The following DMAP1 variants were observed in gnomAD, a reference collection of about 807,000 sequenced individuals.
DMAP1 encodes DNA methyltransferase 1 associated protein 1, also known as DNA methyltransferase 1-associated protein 1.
Under a neutral mutation model 52.7 loss-of-function variants are expected in DMAP1, and 26 were observed. The ratio of observed to expected loss-of-function variants is 0.49; its 90% CI spans 0.36 to 0.68. DMAP1 has a LOEUF of 0.68. Among genes scored for constraint, DMAP1 ranks in the 30% least tolerant of loss-of-function variants. The pLI is 0.00. For synonymous variants in DMAP1, 231 were observed against 246.0 expected, an observed-to-expected ratio of 0.94 and a Z score of 0.57; for missense variants, 439 against 625.2, an observed-to-expected ratio of 0.70 and a Z score of 3.18.
chr1:44,219,549 G>A, intron 7 of DMAP1, 72 bp downstream of exon 7: 5 of 1,435,798 alleles, frequency 3.5e-6, no homozygotes, highest in South Asian at 2.8e-5. Flanking sequence ...CCCAAACGCT[G>A]CAGGCAGGTG....
At position 44,214,812 on chromosome 1, in the gene DMAP1, C is replaced by A; in HGVS notation, c.307C>A (p.Pro103Thr). Reference sequence around the variant, plus strand: ...TTGGAAGTGGATGCCATTCACCAACCCGGCCCGCAAGGACGGAGCAATGTT... The same window carrying A: ...TTGGAAGTGGATGCCATTCACCAACACGGCCCGCAAGGACGGAGCAATGTT... ...RPWKWMPFTN[P>T]ARKDGAMFFH... The change falls in exon 3 of 10, where the codon CCG (proline) becomes ACG (threonine). Residue 103 changes from proline (P) to threonine (T), a missense_variant. Around this residue, in one of 3 missense-constraint regions of DMAP1, gnomAD observed 118 missense variants for 189.8 expected, o/e 0.62. Transcript: ENST00000372289. 6.2e-7 allele frequency: 1 copy of A among 1,614,214 alleles called. No individual in the cohort carries two copies. The highest frequency in any genetic ancestry group is 1.7e-5 in the Admixed American group (1 of 60,030).
At chr1:44,216,462 T>C (rs945224171) in intron 3 of DMAP1, 1 of 152,196 alleles carries the variant, frequency 6.6e-6, no homozygotes, top group Non-Finnish European at 1.5e-5. Flanking sequence ...ACTCTTAGGC[T>C]CAAGTGATCT....
intron 3 of DMAP1, chr1:44,215,309 C>T (rs532564849): frequency 6.3e-5 from 29 of 457,670 alleles, no homozygotes; most frequent in Admixed American, 5.4e-4. Flanking sequence ...CCCACAGGTA[C>T]CTTACATCAG....
chr1:44,220,430 G>A (rs534360277), intron 9 of DMAP1, 121 bp downstream of exon 9: 2 of 1,568,252 alleles, frequency 1.3e-6, no homozygotes, highest in African/African-American at 2.7e-5. Context: ...TTCTGTGCGA[G>A]TCTGAGACTG....
chr1:44,217,015 C>T (rs1051293858), intron 3 of DMAP1: 2 of 152,154 alleles, frequency 1.3e-5, no homozygotes, highest in African/African-American at 4.8e-5. Flanking sequence ...TTCTAGAACA[C>T]TAGGACAGTG....
rs1223179007 is a variant in DMAP1, at chr1:44,214,044, G to A, written c.105+186G>A. 5.3e-5 allele frequency among the ~76,000 whole-genome samples: 8 copies of A among 152,354 alleles called. No homozygotes were observed. In the East Asian group the frequency reaches 1.5e-3, roughly 29 times the overall value. On this transcript the variant is annotated intron_variant, in intron 1 of 9. Coordinates refer to ENST00000372289, the MANE Select transcript of DMAP1 (RefSeq NM_019100.5). ...GAGGAGATGGGACATCGTGGGAGATGGTGGGACCAAGAGGGTATGACACCT... is the reference window on the plus strand; with the variant it reads ...GAGGAGATGGGACATCGTGGGAGATAGTGGGACCAAGAGGGTATGACACCT...
Position 44,214,720 on chromosome 1 carries a change from T to C in DMAP1, c.215T>C (p.Leu72Pro). The change falls in exon 3 of 10, where the codon CTA becomes CCA. Residue 72 changes from leucine to proline, a missense_variant. Transcript: ENST00000372289. ...YSDKKDAPPL[L>P]PSDTGQGYRT... is the part of the protein sequence containing the mutation. Reference sequence around the variant, plus strand: ...CCTGCCAGGGATGCACCCCCACTGCTACCCAGTGACACTGGCCAGGGATAC... The same window carrying C: ...CCTGCCAGGGATGCACCCCCACTGCCACCCAGTGACACTGGCCAGGGATAC... The C allele has an allele frequency of 6.2e-7, 1 of 1,611,828 alleles. No individual in the cohort carries two copies. Among genetic ancestry groups the C allele is most frequent in the Non-Finnish European group, 8.5e-7 (1 of 1,178,138 alleles).
chr1:44,219,283 C>G (rs771884109), intron 6 of DMAP1, 42 bp downstream of exon 6: 13 of 1,595,880 alleles, frequency 8.1e-6, no homozygotes, highest in Non-Finnish European at 1.0e-5. Flanking sequence ...GGAAGGGTCA[C>G]CTGGCACAAG....
At chr1:44,217,506 T>C (rs759281296) in intron 3 of DMAP1, 4 of 152,278 alleles carry the variant, frequency 2.6e-5, no homozygotes, top group Non-Finnish European at 5.9e-5. Flanking sequence ...GTTTCTGGCT[T>C]GAGCAGCTGG....
Position 44,218,025 on chromosome 1 carries a change from T to TG in DMAP1, c.394-283dup, listed in dbSNP as rs1258669741. Reference sequence around the variant, plus strand: ...TGGACTCCACAGAAGCACTTACATGTGGGCCCCTCACCTTAACTATGGGGG... The same window carrying TG: ...TGGACTCCACAGAAGCACTTACATGTGGGGCCCCTCACCTTAACTATGGGGG... On this transcript the variant is annotated intron_variant, in intron 3 of 9. Transcript: ENST00000372289. The surrounding 1 kb of genome is among the most constrained non-coding windows in gnomAD (Gnocchi z 5.6). The TG allele has an allele frequency of 3.9e-6, 2 of 515,338 alleles. No individual in the cohort carries two copies. The highest frequency in any genetic ancestry group is 7.2e-5 in the East Asian group (2 of 27,842). 31.9% of individuals were successfully genotyped at this position (515,338 alleles called of 1,614,324 possible). A position where few individuals can be genotyped will look rare whatever the true frequency, so the allele number is the denominator to read the frequency against.
chr1:44,215,488 G>A, intron 3 of DMAP1: 2 of 337,808 alleles, frequency 5.9e-6, no homozygotes, highest in South Asian at 2.3e-5. Context: ...ATCAACAACA[G>A]AACAAAGAAG....
At chr1:44,220,429 A>G in intron 9 of DMAP1, 120 bp downstream of exon 9, 2 of 1,565,358 alleles carry the variant, frequency 1.3e-6, no homozygotes, top group Non-Finnish European at 1.7e-6. Flanking sequence ...CTTCTGTGCG[A>G]GTCTGAGACT....
rs1441455267 is a variant in DMAP1 at position 44,214,439 on chromosome 1, G to A, written c.195G>A (p.Lys65=). The change falls in exon 2 of 10, where the codon AAG becomes AAA. Residue 65 remains lysine, a splice_region_variant and synonymous_variant. Transcript: ENST00000372289. ...TCTATGCCTTGCTCTACTCTGACAA[G>A]AAGCAAGTATTGGAGTCCCAAGTCC... ...REVYALLYSD[K]KDAPPLLPSD... 2 of 1,614,112 alleles carry A rather than the reference G, an allele frequency of 1.2e-6. No individual in the cohort carries two copies. The highest frequency in any genetic ancestry group is 3.3e-5 in the Admixed American group (2 of 60,030).
At chr1:44,219,273 G>T (rs1363998190) in intron 6 of DMAP1, 32 bp downstream of exon 6, 1 of 1,600,878 alleles carries the variant, frequency 6.2e-7, no homozygotes, top group Admixed American at 1.7e-5. Flanking sequence ...AGCTCAGGGT[G>T]GAAGGGTCAC....
intron 7 of DMAP1, 144 bp from the exon 8 acceptor site, chr1:44,219,662 T>C: frequency 8.2e-7 from 1 of 1,214,714 alleles, no homozygotes; most frequent in South Asian, 1.4e-5. Context: ...TATATTCAGC[T>C]TCCTGGCTAT....
Position 44,219,200 on chromosome 1 carries a change from C to T in DMAP1, c.865C>T (p.Pro289Ser). 6.2e-7 allele frequency: 1 copy of T among 1,613,586 alleles called. No individual in the cohort carries two copies. The highest frequency in any genetic ancestry group is 8.5e-7 in the Non-Finnish European group (1 of 1,179,904). Reference protein sequence around the residue: ...AEQRRTERKAPKKKLPQKKEA... With the variant: ...AEQRRTERKASKKKLPQKKEA... ...GCAGCGGCGCACGGAACGCAAGGCC[C>T]CCAAAAAGAAGCTACCCCAGAAAAA... The change falls in exon 6 of 10, where the codon CCC (proline) becomes TCC (serine). Residue 289 changes from proline (P) to serine (S), a missense_variant. Around this residue, in one of 3 missense-constraint regions of DMAP1, gnomAD observed 179 missense variants for 285.9 expected, o/e 0.63. Transcript: ENST00000372289.
intron 2 of DMAP1, 43 bp from the exon 3 acceptor site, chr1:44,214,660 C>T: frequency 1.2e-6 from 2 of 1,612,622 alleles, no homozygotes. Flanking sequence ...CTTTAACACA[C>T]CTTCTGATTC....
At position 44,219,078 on chromosome 1, in the gene DMAP1, T is replaced by C. The variant is rs762427205; in HGVS notation, c.743T>C (p.Leu248Pro). 6.2e-7 allele frequency: 1 copy of C among 1,614,068 alleles called. No homozygotes were observed. Among genetic ancestry groups the C allele is most frequent in the South Asian group, 1.1e-5 (1 of 91,076 alleles). The change falls in exon 6 of 10, where the codon CTA (leucine) becomes CCA (proline). Residue 248 changes from leucine (L) to proline (P), a missense_variant. Physicochemically the swap from Leu to Pro is moderately conservative, Grantham distance 98. Transcript: ENST00000372289. ...PEQVAEEEYL[L>P]QELRKIEARK... ...CAGGTGGCAGAGGAGGAGTACCTGC[T>C]ACAGGAGCTGCGCAAGATTGAGGCC... is the stretch of plus-strand genomic sequence containing the variant.
chr1:44,215,097 G>T, intron 3 of DMAP1, 199 bp downstream of exon 3: 1 of 708,740 alleles, frequency 1.4e-6, no homozygotes, highest in Non-Finnish European at 2.5e-6. Flanking sequence ...TTCTTTCCCG[G>T]ACCTGCTCTG....
Sources: allele counts gnomAD v4.1 joint callset (sites outside exome capture counted in the v4.1 genomes callset), GRCh38; gene constraint gnomAD v4.1.1; regional missense constraint gnomAD v4.1.1; non-coding constraint Gnocchi (gnomAD v3.1); transcripts MANE v1.5; gene names NCBI Gene and HGNC (gene_info 2026-07-23, HGNC 2026-07-21).